Variants in LPA observed in about 807,000 individuals in gnomAD.
The protein encoded by LPA is lipoprotein(a), also known as apolipoprotein(a).
A neutral mutation model predicts 197.9 loss-of-function variants in LPA; 199 were observed. The ratio of observed to expected loss-of-function variants is 1.01; its 90% CI spans 0.90 to 1.13. LPA has a LOEUF of 1.13. Ranked by LOEUF, LPA falls within the 50% of genes most tolerant of loss-of-function variation. The pLI, the probability that LPA is intolerant of heterozygous loss-of-function variation, is 0.00. For synonymous variants in LPA, 715 were observed against 639.5 expected (o/e 1.12, Z -1.78); for missense variants, 1,853 against 1,785.8 (o/e 1.04, Z -0.68).
chr6:160,646,645 A>G (rs1469131000), intron 2 of LPA, among the ~76,000 whole-genome samples: 1 of 120,236 alleles, frequency 8.3e-6, no homozygotes, highest in Non-Finnish European at 1.7e-5. Context: ...CTTCTTAGAA[A>G]CACTGAGATA....
At chr6:160,572,225 A>G (rs1485210357) in intron 28 of LPA, among the ~76,000 whole-genome samples, 3 of 152,118 alleles carry the variant, frequency 2.0e-5, no homozygotes, top group Non-Finnish European at 2.9e-5. Context: ...ACCAGTCCCA[A>G]TGAGATGAGC....
intron 7 of LPA, among the ~76,000 whole-genome samples, chr6:160,634,614 G>A (rs945911989): frequency 5.4e-5 from 8 of 148,842 alleles, no homozygotes; most frequent in Non-Finnish European, 5.9e-5. Context: ...TAGGACTGAA[G>A]AGCCTTAGAG....
intron 33 of LPA, 82 bp from the exon 34 acceptor site, chr6:160,542,890 A>G: frequency 1.3e-6 from 2 of 1,590,216 alleles, no homozygotes; most frequent in Non-Finnish European, 1.7e-6. Flanking sequence ...AATTCCAAGC[A>G]CTAGTTTTTC....
At position 160,647,854 on chromosome 6, in the gene LPA, T is replaced by G. The variant is rs375416131; in HGVS notation, c.210-1459A>C. Among the ~76,000 whole-genome samples, 5 of 152,240 alleles carry G rather than the reference T, an allele frequency of 3.3e-5. No individual in the cohort carries two copies. In the South Asian group the frequency reaches 1.0e-3, roughly 31 times the overall value. On this transcript the variant is annotated intron_variant, in intron 2 of 38. Coordinates refer to ENST00000316300, the MANE Select transcript of LPA (RefSeq NM_005577.4). The stretch of plus-strand genomic sequence containing the variant: ...TCGTCAACTCTCATTTAAAAAGATA[T>G]AAACGTTTGATCAAGAAAACATGTA...
At chr6:160,647,034 A>C (rs544735931) in intron 2 of LPA, among the ~76,000 whole-genome samples, 30 of 152,280 alleles carry the variant, frequency 2.0e-4, no homozygotes, top group African/African-American at 7.0e-4. Context: ...TTGTTTCTGC[A>C]AGACTTCTCA....
intron 17 of LPA, among the ~76,000 whole-genome samples, chr6:160,605,728 CTAGGA>C: frequency 1.3e-5 from 2 of 152,172 alleles, no homozygotes; most frequent in Middle Eastern, 3.2e-3. Context: ...AGTCCTTCGT[CTAGGA>C]CTGCAGACAA....
chr6:160,567,863 A>T (rs1438544608), intron 28 of LPA, among the ~76,000 whole-genome samples: 1 of 152,218 alleles, frequency 6.6e-6, no homozygotes, highest in Non-Finnish European at 1.5e-5. Flanking sequence ...AATATTATAA[A>T]CACCTCTGTG....
chr6:160,548,464 C>T lies in LPA; in HGVS notation c.5155+14G>A, dbSNP rs879199942. The T allele has an allele frequency of 6.2e-7, 1 of 1,612,880 alleles. No individual in the cohort carries two copies. Among genetic ancestry groups the T allele is most frequent in the Non-Finnish European group, 8.5e-7 (1 of 1,179,304 alleles). On this transcript the variant is annotated intron_variant, in intron 31 of 38. Transcript: ENST00000316300. ...GAGGTATGTGCTAGACAAGGTAAGA[C>T]ACAGACTTCTTACCTTGTTCAGAAG...
At chr6:160,537,826 T>C (rs767378787) in intron 37 of LPA, 29 bp downstream of exon 37, 16 of 1,596,394 alleles carry the variant, frequency 1.0e-5, no homozygotes, top group Non-Finnish European at 1.4e-5. Flanking sequence ...AAAAACAATT[T>C]GTTACGTGGG....
chr6:160,585,315 C>T lies in LPA; in HGVS notation c.4130-110G>A, dbSNP rs563114005. On this transcript the variant is annotated intron_variant, in intron 25 of 38. Coordinates refer to ENST00000316300, the MANE Select transcript of LPA (RefSeq NM_005577.4). ...CTGAGGATTAACAATTTACACTCTT[C>T]TATATTAGCATGCAAATTGAAATGT... is the stretch of plus-strand genomic sequence containing the variant. 54 of 1,002,468 alleles carry T rather than the reference C, an allele frequency of 5.4e-5. No individual in the cohort carries two copies. The Admixed American group carries it at 6.5e-4, about 12-fold the overall frequency. The allele number at this position is 1,002,468 out of a possible 1,614,324, so 62.1% of individuals were successfully genotyped here.
At chr6:160,607,958 G>A (rs1013713880) in intron 16 of LPA, among the ~76,000 whole-genome samples, 8 of 152,040 alleles carry the variant, frequency 5.3e-5, no homozygotes, top group African/African-American at 1.7e-4. Flanking sequence ...ATACCATTGT[G>A]CATGAGGTAA....
intron 1 of LPA, 120 bp from the exon 2 acceptor site, chr6:160,650,617 T>G: frequency 1.1e-6 from 1 of 951,744 alleles, no homozygotes; most frequent in Non-Finnish European, 1.7e-6. Flanking sequence ...CTTCTCTTGA[T>G]TAGCAGGCAG....
At chr6:160,662,298 G>T (rs1467928208) in intron 1 of LPA, among the ~76,000 whole-genome samples, 1 of 152,222 alleles carries the variant, frequency 6.6e-6, no homozygotes, top group Non-Finnish European at 1.5e-5. Context: ...AATGGTGTGA[G>T]AATTTCTTCC....
chr6:160,654,774 T>C (rs1780102678), intron 1 of LPA, among the ~76,000 whole-genome samples: 1 of 151,554 alleles, frequency 6.6e-6, no homozygotes, highest in Non-Finnish European at 1.5e-5. Context: ...ATAAAGGAAA[T>C]AAAATAAAGA....
At chr6:160,535,497 A>G (rs796613484) in intron 37 of LPA, among the ~76,000 whole-genome samples, 1 of 27,764 alleles carries the variant, frequency 3.6e-5, no homozygotes, top group South Asian at 9.3e-4. Context: ...TGATGTTGAG[A>G]GTGATGATAT....
intron 28 of LPA, among the ~76,000 whole-genome samples, chr6:160,574,005 A>G (rs1297170915): frequency 2.0e-5 from 3 of 152,148 alleles, no homozygotes; most frequent in Non-Finnish European, 4.4e-5. Context: ...TGGGTAGGGA[A>G]GGACCATCAG....
At chr6:160,647,338 C>G (rs191990527) in intron 2 of LPA, among the ~76,000 whole-genome samples, 1 of 152,158 alleles carries the variant, frequency 6.6e-6, no homozygotes, top group Non-Finnish European at 1.5e-5. Context: ...TTCCTTATGC[C>G]TCCCAAGAAC....
At chr6:160,589,767 G>C (rs867591080) in intron 23 of LPA, 55 bp from the exon 24 acceptor site, 14 of 1,601,160 alleles carry the variant, frequency 8.7e-6, no homozygotes, top group Non-Finnish European at 1.2e-5. Flanking sequence ...ACAGAAGCAT[G>C]AGAAAAAAAA....
At chr6:160,534,167 C>G (rs2114992440) in intron 37 of LPA, among the ~76,000 whole-genome samples, 1 of 152,286 alleles carries the variant, frequency 6.6e-6, no homozygotes, top group South Asian at 2.1e-4. Flanking sequence ...ATGGAGGAAG[C>G]TCCTCCTGAC....
Sources: gnomAD v4.1 joint callset for allele counts (sites outside exome capture counted in the v4.1 genomes callset) on GRCh38, gnomAD v4.1.1 for gene constraint, MANE v1.5 for transcripts, NCBI Gene and HGNC (gene_info 2026-07-23, HGNC 2026-07-21) for gene names.